The following FRMD4B variants were observed in gnomAD, a reference collection of about 807,000 sequenced individuals.
The protein encoded by FRMD4B is FERM domain-containing protein 4B.
Under a neutral mutation model 141.5 loss-of-function variants are expected in FRMD4B, and 74 were observed. The ratio of observed to expected loss-of-function variants is 0.52; its 90% CI spans 0.43 to 0.63. The LOEUF (loss-of-function observed/expected upper bound fraction) is 0.63. Ranked by LOEUF, FRMD4B falls within the 30% of genes least tolerant of loss-of-function variation. The pLI, the probability that FRMD4B is intolerant of heterozygous loss-of-function variation, is 0.00. For missense variants in FRMD4B, 1,366 were observed against 1,253.4 expected (o/e 1.09, Z -1.36); for synonymous variants, 506 against 467.9 (o/e 1.08, Z -1.05).
At chr3:69,174,142 GAAA>G (rs5849878) in intron 22 of FRMD4B, among the ~76,000 whole-genome samples, 2 of 143,026 alleles carry the variant, frequency 1.4e-5, no homozygotes. Flanking sequence ...GTCTTGGGAA[GAAA>G]AAAAAAAAAA....
At chr3:69,360,042 A>T (rs1703429810) in intron 1 of FRMD4B, among the ~76,000 whole-genome samples, 1 of 152,184 alleles carries the variant, frequency 6.6e-6, no homozygotes, top group Admixed American at 6.5e-5. Flanking sequence ...GTTAACACTC[A>T]GGCATTCTGT....
chr3:69,456,658 G>A (rs1291674199), intron 1 of FRMD4B, among the ~76,000 whole-genome samples: 1 of 150,876 alleles, frequency 6.6e-6, no homozygotes, highest in Non-Finnish European at 1.5e-5. Context: ...CACTGTCTAT[G>A]AGCTGGCACA....
intron 1 of FRMD4B, among the ~76,000 whole-genome samples, chr3:69,361,899 T>C (rs1309215326): frequency 1.3e-5 from 2 of 152,210 alleles, no homozygotes; most frequent in African/African-American, 2.4e-5. Flanking sequence ...AGCTAACAGA[T>C]CATAGGATGA....
intron 1 of FRMD4B, among the ~76,000 whole-genome samples, chr3:69,329,224 A>T (rs1227108736): frequency 1.3e-5 from 2 of 152,196 alleles, no homozygotes; most frequent in Non-Finnish European, 2.9e-5. Context: ...CAGCTTACTT[A>T]ACTTTAGTAG....
chr3:69,405,685 G>A (rs925724740), intron 2 of FRMD4B, among the ~76,000 whole-genome samples: 2 of 152,148 alleles, frequency 1.3e-5, no homozygotes, highest in Non-Finnish European at 2.9e-5. Context: ...AAGCCGTGAC[G>A]TTCTAGTTCT....
At chr3:69,241,576 T>C (rs1444776777) in intron 7 of FRMD4B, among the ~76,000 whole-genome samples, 1 of 151,626 alleles carries the variant, frequency 6.6e-6, no homozygotes, top group Non-Finnish European at 1.5e-5. Flanking sequence ...AAGGTAATGA[T>C]TCTAACAAAT....
intron 5 of FRMD4B, among the ~76,000 whole-genome samples, chr3:69,279,960 T>C (rs2093637252): frequency 6.6e-6 from 1 of 152,038 alleles, no homozygotes; most frequent in African/African-American, 2.4e-5. Flanking sequence ...TGGCCAATAC[T>C]ATTTTAATTT....
At chr3:69,363,248 G>GT (rs56074743) in intron 1 of FRMD4B, among the ~76,000 whole-genome samples, 83,935 of 132,662 alleles carry the variant, frequency 0.63, 28,433 homozygotes, top group South Asian at 0.75. Flanking sequence ...TTTTTACCAT[G>GT]TTTTTTTTTT....
At chr3:69,404,330 G>C (rs898196706) in intron 2 of FRMD4B, among the ~76,000 whole-genome samples, 1 of 152,128 alleles carries the variant, frequency 6.6e-6, no homozygotes, top group Admixed American at 6.5e-5. Flanking sequence ...AAATGCACAG[G>C]CTTTCTGATC....
rs112221877 is a variant in FRMD4B, at chr3:69,320,826, T to G, written c.163-7309A>C. The stretch of plus-strand genomic sequence containing the variant: ...ACTTGATCCCCTTCCCGCTACCTTC[T>G]CCCCTCATGGAACCCCAGGAATTCG... On this transcript the variant is annotated intron_variant, in intron 1 of 22. Coordinates refer to ENST00000398540, the MANE Select transcript of FRMD4B (RefSeq NM_015123.3). 3.8e-4 allele frequency: 58 copies of G among 152,254 alleles called. 1 individual carries two copies. The highest frequency in any genetic ancestry group is 1.3e-3 in the African/African-American group (56 of 41,548). 9.4% of individuals were successfully genotyped at this position (152,254 alleles called of 1,614,324 possible). A position where few individuals can be genotyped will look rare whatever the true frequency, so the allele number is the denominator to read the frequency against.
At chr3:69,385,414 G>C (rs963145544) in intron 1 of FRMD4B, among the ~76,000 whole-genome samples, 3 of 152,050 alleles carry the variant, frequency 2.0e-5, no homozygotes, top group Non-Finnish European at 4.4e-5. Context: ...ATCCACCAAG[G>C]CCCCCTCTGC....
intron 21 of FRMD4B, among the ~76,000 whole-genome samples, chr3:69,178,055 C>T (rs570318836): frequency 3.5e-4 from 54 of 152,314 alleles, no homozygotes; most frequent in Admixed American, 2.9e-3. Flanking sequence ...CAACAAATGC[C>T]TCATCACTGG....
At chr3:69,186,693 C>A (rs1000286428) in intron 19 of FRMD4B, among the ~76,000 whole-genome samples, 2 of 152,186 alleles carry the variant, frequency 1.3e-5, no homozygotes, top group African/African-American at 4.8e-5. Context: ...GCCTGAGCGA[C>A]AGAAAGAGAC....
intron 5 of FRMD4B, among the ~76,000 whole-genome samples, chr3:69,282,322 A>G (rs2093648396): frequency 6.6e-6 from 1 of 152,124 alleles, no homozygotes; most frequent in South Asian, 2.1e-4. Context: ...CTCACTGGAG[A>G]GAAGAATGCC....
At chr3:69,173,631 A>G (rs1435312884) in intron 22 of FRMD4B, among the ~76,000 whole-genome samples, 1 of 152,210 alleles carries the variant, frequency 6.6e-6, no homozygotes, top group Non-Finnish European at 1.5e-5. Context: ...AATTGATCAG[A>G]CTGTATCCTA....
In FRMD4B at chr3:69,196,244, C is replaced by A; in HGVS notation, c.1234+11G>T. ...AGATGGCTTGCACGTTCTCTAATCC[C>A]AAGATGTTACCTGAGGAGATTAAAC... On this transcript the variant is annotated intron_variant, in intron 14 of 22. Coordinates refer to ENST00000398540, the MANE Select transcript of FRMD4B (RefSeq NM_015123.3). 1.3e-6 allele frequency: 2 copies of A among 1,567,464 alleles called. No individual in the cohort carries two copies. Among genetic ancestry groups the A allele is most frequent in the Non-Finnish European group, 1.7e-6 (2 of 1,163,104 alleles).
intron 5 of FRMD4B, among the ~76,000 whole-genome samples, chr3:69,250,919 C>T (rs1286803276): frequency 6.6e-6 from 1 of 150,778 alleles, no homozygotes; most frequent in African/African-American, 2.5e-5. Flanking sequence ...GAGACCTCAT[C>T]TCTACCAAAA....
intron 1 of FRMD4B, among the ~76,000 whole-genome samples, chr3:69,476,385 G>A (rs533620377): frequency 6.6e-6 from 1 of 152,232 alleles, no homozygotes; most frequent in Non-Finnish European, 1.5e-5. Context: ...TTTTTATAAG[G>A]TGTAAGCAAG....
chr3:69,336,561 C>CA (rs1372191253), intron 1 of FRMD4B: 1 of 152,194 alleles, frequency 6.6e-6, no homozygotes, highest in Non-Finnish European at 1.5e-5. Context: ...AGAAATAATC[C>CA]AAAAGGCTTT....
Sources: allele counts gnomAD v4.1 joint callset (sites outside exome capture counted in the v4.1 genomes callset), GRCh38; gene constraint gnomAD v4.1.1; transcripts MANE v1.5; gene names NCBI Gene and HGNC (gene_info 2026-07-23, HGNC 2026-07-21).